LOXL3: variants seen among roughly 807,000 people sequenced by gnomAD.
The protein encoded by LOXL3 is lysyl oxidase homolog 3.
LOXL3 carries 60 observed loss-of-function variants against 91.8 expected under a neutral mutation model. That is an observed-to-expected ratio of 0.65 (90% CI 0.53 to 0.81). LOXL3 has a LOEUF of 0.81. LOXL3 is among the 30% of genes least tolerant of loss of function. The pLI is 0.00. For synonymous variants in LOXL3, 355 were observed against 387.6 expected (o/e 0.92, Z 0.99); for missense variants, 874 against 1,000.4 (o/e 0.87, Z 1.70).
Position 74,534,189 on chromosome 2 carries a change from T to C in LOXL3, c.1987A>G (p.Thr663Ala). The change falls in exon 12 of 14, where the codon ACT becomes GCT. Residue 663 changes from threonine to alanine, a missense_variant. Transcript: ENST00000264094. ...CGGTAGAGATCCCAGCAACCCACAG[T>C]GATGCCTTGCTCTCCAAAGTTGGCA... is the stretch of plus-strand genomic sequence containing the variant. ...ECANFGEQGI[T>A]VGCWDLYRHD... The C allele has an allele frequency of 4.3e-6, 7 of 1,614,174 alleles. No homozygotes were observed. Among genetic ancestry groups the C allele is most frequent in the Non-Finnish European group, 5.9e-6 (7 of 1,180,026 alleles).
intron 4 of LOXL3, among the ~76,000 whole-genome samples, chr2:74,548,651 G>T (rs1169906658): frequency 3.3e-5 from 5 of 152,188 alleles, no homozygotes; most frequent in African/African-American, 1.2e-4. Context: ...GCTGTCAATG[G>T]CAGTTTCTCA....
Position 74,549,088 on chromosome 2 carries a change from G to C in LOXL3, c.692+281C>G. 1 of 289,532 alleles carries C rather than the reference G, an allele frequency of 3.5e-6. No homozygotes were observed. The highest frequency in any genetic ancestry group is 6.4e-6 in the Non-Finnish European group (1 of 157,160). 17.9% of individuals were successfully genotyped at this position (289,532 alleles called of 1,614,324 possible). A position where few individuals can be genotyped will look rare whatever the true frequency, so the allele number is the denominator to read the frequency against. On this transcript the variant is annotated intron_variant, in intron 4 of 13. Coordinates refer to ENST00000264094, the MANE Select transcript of LOXL3 (RefSeq NM_032603.5). The surrounding 1 kb of genome is among the most constrained non-coding windows in gnomAD (Gnocchi z 5.3). ...GCCTGGGAGTGGCCTCGCGAGGCCG[G>C]CGCGCGCCCCGGGGCCGAGGAATCC... is the stretch of plus-strand genomic sequence containing the variant.
intron 4 of LOXL3, among the ~76,000 whole-genome samples, chr2:74,543,303 C>A (rs1258204756): frequency 6.6e-6 from 1 of 152,074 alleles, no homozygotes; most frequent in Non-Finnish European, 1.5e-5. Context: ...TCATATAGGG[C>A]CCTCTATATG....
Position 74,535,888 on chromosome 2 carries a change from G to T in LOXL3, c.1248+108C>A. ...GTGATGGGTCAGGTGGGAGCTGCAGGAGGGCAGGGGCCTGGGGCAATGGGC... is the reference window on the plus strand; with the variant it reads ...GTGATGGGTCAGGTGGGAGCTGCAGTAGGGCAGGGGCCTGGGGCAATGGGC... On this transcript the variant is annotated intron_variant, in intron 7 of 13. Coordinates refer to ENST00000264094, the MANE Select transcript of LOXL3 (RefSeq NM_032603.5). The surrounding 1 kb of genome is among the most constrained non-coding windows in gnomAD (Gnocchi z 4.2). The T allele has an allele frequency of 1.4e-6, 2 of 1,477,360 alleles. No individual in the cohort carries two copies. The highest frequency in any genetic ancestry group is 1.8e-6 in the Non-Finnish European group (2 of 1,108,192). The allele number at this position is 1,477,360 out of a possible 1,614,324, so 91.5% of individuals were successfully genotyped here. A position where few individuals can be genotyped will look rare whatever the true frequency, so the allele number is the denominator to read the frequency against.
In LOXL3 at chr2:74,532,494, T is replaced by A; in HGVS notation, c.*1112A>T. 2.6e-6 allele frequency: 2 copies of A among 758,786 alleles called. No individual in the cohort carries two copies. Among genetic ancestry groups the A allele is most frequent in the Admixed American group, 2.0e-5 (1 of 49,866 alleles). 47.0% of individuals were successfully genotyped at this position (758,786 alleles called of 1,614,324 possible). The stretch of plus-strand genomic sequence containing the variant: ...AGACAGAAAGTGAGTTGCCATTGTA[T>A]TTTGTAGTACCTAGCCCATGTCCTG... On this transcript the variant is annotated 3_prime_UTR_variant, in exon 14 of 14. Coordinates refer to ENST00000264094, the MANE Select transcript of LOXL3 (RefSeq NM_032603.5).
chr2:74,534,064 C>A (rs202168669), intron 12 of LOXL3, 36 bp downstream of exon 12: 1 of 1,613,010 alleles, frequency 6.2e-7, no homozygotes, highest in South Asian at 1.1e-5. Context: ...AACGCTCCCC[C>A]CACTCACCCA....
Position 74,550,351 on chromosome 2 carries a change from G to T in LOXL3, c.314-3C>A. The T allele has an allele frequency of 1.2e-6, 2 of 1,612,768 alleles. No individual in the cohort carries two copies. The highest frequency in any genetic ancestry group is 3.3e-4 in the Middle Eastern group (2 of 6,058). The stretch of plus-strand genomic sequence containing the variant: ...CAAGTTGTCCAGCCAGATGCGGCCT[G>T]TGGAAGGGGAGATGAAGGGACAGAG... On this transcript the variant is annotated splice_polypyrimidine_tract_variant and splice_region_variant and intron_variant, in intron 2 of 13. Coordinates refer to ENST00000264094, the MANE Select transcript of LOXL3 (RefSeq NM_032603.5).
chr2:74,553,959 T>A (rs1461371724), upstream of LOXL3: 1 of 140,398 alleles, frequency 7.1e-6, no homozygotes, highest in South Asian at 2.2e-4. Context: ...AAAAAAAAAA[T>A]GCTCGGCCAG....
chr2:74,553,433 T>A (rs1310840669), intron 1 of LOXL3, among the ~76,000 whole-genome samples: 3 of 152,032 alleles, frequency 2.0e-5, no homozygotes, highest in Non-Finnish European at 2.9e-5. Context: ...TGGGGTAGGG[T>A]TGTCCCAGCC....
chr2:74,554,410 G>GA, upstream of LOXL3: 1 of 314,574 alleles, frequency 3.2e-6, no homozygotes, highest in Non-Finnish European at 5.9e-6. The surrounding 1 kb of genome is among the most constrained non-coding windows in gnomAD (Gnocchi z 4.9). Flanking sequence ...GGCGCTTTCG[G>GA]GGTGATGTCA....
At chr2:74,539,009 C>T (rs1676171616) in intron 4 of LOXL3, among the ~76,000 whole-genome samples, 1 of 152,224 alleles carries the variant, frequency 6.6e-6, no homozygotes, top group Non-Finnish European at 1.5e-5. Context: ...TCCTCTTGGT[C>T]AGCTCTTTCA....
chr2:74,554,027 A>C (rs1677204936), upstream of LOXL3: 1 of 146,066 alleles, frequency 6.8e-6, no homozygotes, highest in East Asian at 2.0e-4. This position sits in a 1 kb window ranked among gnomAD's most constrained non-coding sequence, Gnocchi z 4.9. Flanking sequence ...CATCCCCCTG[A>C]GCCCTCCCAC....
rs1028685948 is a variant in LOXL3, at chr2:74,552,549, G to A, written c.86C>T (p.Pro29Leu). Reference protein sequence around the residue: ...LCSSCLGSPSPSTGPEKKAGS... With the variant: ...LCSSCLGSPSLSTGPEKKAGS... ...GGCCTTCTTCTCAGGGCCCGTGGAA[G>A]GGGACGGAGACCCCAAGCACGAACT... Residue 29 changes from proline (P) to leucine (L), a missense_variant, in exon 2 of 14, where the codon CCT (proline) becomes CTT (leucine). Transcript: ENST00000264094. The A allele has an allele frequency of 1.9e-6, 3 of 1,612,176 alleles. No homozygotes were observed. Among genetic ancestry groups the A allele is most frequent in the Admixed American group, 1.7e-5 (1 of 59,892 alleles).
At position 74,536,716 on chromosome 2, in the gene LOXL3, T is replaced by G; in HGVS notation, c.905A>C (p.Gln302Pro). The change falls in exon 5 of 14, where the codon CAG (glutamine) becomes CCG (proline). Residue 302 changes from glutamine (Q) to proline (P), a missense_variant. Gln to Pro is a moderately conservative substitution (Grantham distance 76). Coordinates refer to ENST00000264094, the MANE Select transcript of LOXL3 (RefSeq NM_032603.5). This position sits in a 1 kb window ranked among gnomAD's most constrained non-coding sequence, Gnocchi z 4.5. ...AATCACTGTCTCACACACCTCCCCC[T>G]GAGGCTTCGACTGTTGTTGCTTCTT... is the stretch of plus-strand genomic sequence containing the variant. ...GQKKQQQSKP[Q>P]GEARVRLKGG... is the part of the protein sequence containing the mutation. 6.2e-7 allele frequency: 1 copy of G among 1,614,088 alleles called. No homozygotes were observed. Among genetic ancestry groups the G allele is most frequent in the Non-Finnish European group, 8.5e-7 (1 of 1,179,948 alleles).
In LOXL3 at chr2:74,536,644, TG is replaced by T; in HGVS notation, c.912+64del. On this transcript the variant is annotated intron_variant, in intron 5 of 13. Transcript: ENST00000264094. The surrounding 1 kb of genome is among the most constrained non-coding windows in gnomAD (Gnocchi z 4.5). Reference sequence around the variant, plus strand: ...TCAAAGGTCAGGGCTGTGCTTAGTCTGGGGTTGCCAGGCTAGGGGTTCTCCA... The same window carrying T: ...TCAAAGGTCAGGGCTGTGCTTAGTCTGGGTTGCCAGGCTAGGGGTTCTCCA... 1 of 1,559,454 alleles carries T rather than the reference TG, an allele frequency of 6.4e-7. No individual in the cohort carries two copies. Among genetic ancestry groups the T allele is most frequent in the Non-Finnish European group, 8.8e-7 (1 of 1,136,696 alleles).
Position 74,536,761 on chromosome 2 carries a change from T to C in LOXL3, c.860A>G (p.Tyr287Cys), listed in dbSNP as rs757513331. ...AVVSCVPGPVYAASSGQKKQQ... is the reference protein window; with the variant it reads ...AVVSCVPGPVCAASSGQKKQQ... ...CTTCTTCTGGCCACTGGATGCCGCG[T>C]AGACAGGGCCTGGCACACAGCTCAC... The change falls in exon 5 of 14, where the codon TAC becomes TGC. Residue 287 changes from tyrosine (Y) to cysteine (C), a missense_variant. By Grantham distance (194) the Tyr-to-Cys change is radical. Transcript: ENST00000264094. This position sits in a 1 kb window ranked among gnomAD's most constrained non-coding sequence, Gnocchi z 4.5. The C allele has an allele frequency of 6.8e-6, 11 of 1,614,182 alleles. No individual in the cohort carries two copies. Among genetic ancestry groups the C allele is most frequent in the Non-Finnish European group, 8.5e-6 (10 of 1,180,016 alleles).
At chr2:74,540,905 C>T (rs1676289829) in intron 4 of LOXL3, among the ~76,000 whole-genome samples, 1 of 152,182 alleles carries the variant, frequency 6.6e-6, no homozygotes, top group Non-Finnish European at 1.5e-5. Context: ...CCCAAGCTAT[C>T]CTCCTGCCTT....
rs991474855 is a variant in LOXL3, at chr2:74,549,919, TGAG to T, written c.477+263_477+265del. On this transcript the variant is annotated intron_variant, in intron 3 of 13. Coordinates refer to ENST00000264094, the MANE Select transcript of LOXL3 (RefSeq NM_032603.5). This position sits in a 1 kb window ranked among gnomAD's most constrained non-coding sequence, Gnocchi z 5.3. ...GATGTCTCAGGAAAGCAGGAACATT[TGAG>T]GAGAAGGAGAGCACCAGGTGCCCCA... is the stretch of plus-strand genomic sequence containing the variant. The T allele has an allele frequency of 9.1e-6, 9 of 985,288 alleles. No homozygotes were observed. The highest frequency in any genetic ancestry group is 7.0e-5 in the African/African-American group (4 of 57,222). 61.0% of individuals were successfully genotyped at this position (985,288 alleles called of 1,614,324 possible).
chr2:74,538,150 A>G (rs1370915591), intron 4 of LOXL3, among the ~76,000 whole-genome samples: 1 of 152,236 alleles, frequency 6.6e-6, no homozygotes. Context: ...CTGAAAGTAA[A>G]AGTCAAGGAG....
Sources: gnomAD v4.1 joint callset for allele counts (sites outside exome capture counted in the v4.1 genomes callset) on GRCh38, gnomAD v4.1.1 for gene constraint, Gnocchi (gnomAD v3.1) non-coding constraint, MANE v1.5 for transcripts, NCBI Gene and HGNC (gene_info 2026-07-23, HGNC 2026-07-21) for gene names.